The following KIF26B variants were observed in gnomAD, a reference collection of about 807,000 sequenced individuals.
KIF26B encodes kinesin-like protein KIF26B.
In KIF26B, 63 loss-of-function variants were observed where a neutral mutation model predicts 151.2. The observed-to-expected ratio is 0.42, with a 90% CI of 0.34 to 0.51. KIF26B has a LOEUF of 0.51. Ranked by LOEUF, KIF26B falls within the 20% of genes least tolerant of loss-of-function variation. KIF26B has a pLI of 0.07. For synonymous variants in KIF26B, 1,357 were observed against 1,262.1 expected, an observed-to-expected ratio of 1.08 and a Z score of -1.59; for missense variants, 2,813 against 2,913.6, an observed-to-expected ratio of 0.97 and a Z score of 0.79.
intron 5 of KIF26B, among the ~76,000 whole-genome samples, chr1:245,545,982 AT>A (rs560386549): frequency 1.2e-3 from 177 of 152,326 alleles, no homozygotes; most frequent in African/African-American, 4.1e-3. Flanking sequence ...GTGCATCAAC[AT>A]TTTTAAAAGT....
chr1:245,639,797 T>C (rs1391880087), intron 9 of KIF26B, among the ~76,000 whole-genome samples: 1 of 151,742 alleles, frequency 6.6e-6, no homozygotes, highest in Admixed American at 6.6e-5. Flanking sequence ...TTATTTATAG[T>C]TTTATTCTGT....
chr1:245,685,339 CA>C, intron 11 of KIF26B, 65 bp from the exon 12 acceptor site: 1 of 1,352,920 alleles, frequency 7.4e-7, no homozygotes, highest in Non-Finnish European at 1.0e-6. Flanking sequence ...ACTTGCCGCG[CA>C]CAGCTGGGCT....
intron 2 of KIF26B, among the ~76,000 whole-genome samples, chr1:245,332,671 G>T (rs1672138229): frequency 6.6e-6 from 1 of 152,172 alleles, no homozygotes; most frequent in Admixed American, 6.5e-5. Flanking sequence ...ACTCAGGGTG[G>T]TGGGTCCCTT....
Position 245,540,728 on chromosome 1 carries a change from A to G in KIF26B, c.1167-39A>G, listed in dbSNP as rs1558206188. The G allele has an allele frequency of 1.3e-6, 2 of 1,560,038 alleles. No individual in the cohort carries two copies. Among genetic ancestry groups the G allele is most frequent in the Non-Finnish European group, 1.8e-6 (2 of 1,130,766 alleles). ...AAGTAAGCCTAGCAGATCTGATCGT[A>G]CAATCATTTTCCCCTTATTGTTCCT... On this transcript the variant is annotated intron_variant, in intron 4 of 14. Transcript: ENST00000407071. This position sits in a 1 kb window ranked among gnomAD's most constrained non-coding sequence, Gnocchi z 4.6.
intron 2 of KIF26B, among the ~76,000 whole-genome samples, chr1:245,183,596 G>T (rs1455627920): frequency 6.6e-6 from 1 of 152,194 alleles, no homozygotes; most frequent in Non-Finnish European, 1.5e-5. Flanking sequence ...GCCGTCACAT[G>T]CTGGGTAGAA....
At chr1:245,321,970 C>G (rs1397352277) in intron 2 of KIF26B, among the ~76,000 whole-genome samples, 1 of 152,128 alleles carries the variant, frequency 6.6e-6, no homozygotes, top group Non-Finnish European at 1.5e-5. Flanking sequence ...TGGAACCAAC[C>G]CAAATGCCCA....
intron 4 of KIF26B, among the ~76,000 whole-genome samples, chr1:245,424,436 A>G (rs1434558241): frequency 6.6e-6 from 1 of 152,226 alleles, no homozygotes; most frequent in African/African-American, 2.4e-5. Flanking sequence ...TTGATTGACT[A>G]ATAAACATTG....
intron 2 of KIF26B, among the ~76,000 whole-genome samples, chr1:245,313,106 C>T (rs1671694937): frequency 6.6e-6 from 1 of 152,096 alleles, no homozygotes; most frequent in Non-Finnish European, 1.5e-5. Flanking sequence ...TTGCAGTGAG[C>T]CAAGATCATG....
chr1:245,540,190 G>A lies in KIF26B; in HGVS notation c.1167-577G>A, dbSNP rs193222982. Among the ~76,000 whole-genome samples the A allele has an allele frequency of 2.0e-5, 3 of 152,122 alleles. No individual in the cohort carries two copies. Among genetic ancestry groups the A allele is most frequent in the Non-Finnish European group, 2.9e-5 (2 of 68,026 alleles). On this transcript the variant is annotated intron_variant, in intron 4 of 14. Transcript: ENST00000407071. The surrounding 1 kb of genome is among the most constrained non-coding windows in gnomAD (Gnocchi z 4.6). ...TCTACGTAAGCAGCCCATAGCCTCAGCGCCCTGCACCCTGGTTGGAGTTCA... is the reference window on the plus strand; with the variant it reads ...TCTACGTAAGCAGCCCATAGCCTCAACGCCCTGCACCCTGGTTGGAGTTCA...
chr1:245,704,309 A>C lies in KIF26B; in HGVS notation c.*1703A>C, dbSNP rs1041267801. ...CAGCCACTCCCCAAGCGGGGAAAAA[A>C]ACACTACGTTTCTTGGTCAGTGTAC... On this transcript the variant is annotated 3_prime_UTR_variant, in exon 15 of 15. Transcript: ENST00000407071. 6.6e-6 allele frequency: 1 copy of C among 152,266 alleles called. No homozygotes were observed. Among genetic ancestry groups the C allele is most frequent in the Admixed American group, 6.5e-5 (1 of 15,284 alleles). 9.4% of individuals were successfully genotyped at this position (152,266 alleles called of 1,614,324 possible).
chr1:245,301,497 C>G (rs962865163), intron 2 of KIF26B, among the ~76,000 whole-genome samples: 13 of 152,156 alleles, frequency 8.5e-5, no homozygotes, highest in Admixed American at 7.9e-4. Flanking sequence ...AAAGTGGCTG[C>G]CTGGCCAAAG....
chr1:245,253,428 T>C (rs1008260288), intron 2 of KIF26B, among the ~76,000 whole-genome samples: 1 of 152,222 alleles, frequency 6.6e-6, no homozygotes, highest in African/African-American at 2.4e-5. Context: ...ATTGCTGGAT[T>C]TGACTTGCTA....
intron 2 of KIF26B, among the ~76,000 whole-genome samples, chr1:245,281,987 A>G (rs1257859265): frequency 6.6e-6 from 1 of 152,140 alleles, no homozygotes; most frequent in Non-Finnish European, 1.5e-5. Context: ...TACCAGTACC[A>G]TGCTGTTTTG....
chr1:245,644,326 A>C (rs2043923406), intron 9 of KIF26B, among the ~76,000 whole-genome samples: 1 of 151,944 alleles, frequency 6.6e-6, no homozygotes, highest in Non-Finnish European at 1.5e-5. Context: ...TTATCTCTAG[A>C]GGTTCAGTTT....
chr1:245,639,814 T>G (rs2043870005), intron 9 of KIF26B, among the ~76,000 whole-genome samples: 1 of 151,884 alleles, frequency 6.6e-6, no homozygotes, highest in Non-Finnish European at 1.5e-5. Flanking sequence ...CTGTTGTGGT[T>G]AGAAAAGATA....
chr1:245,297,062 G>T (rs1470306676), intron 2 of KIF26B, among the ~76,000 whole-genome samples: 3 of 150,288 alleles, frequency 2.0e-5, no homozygotes, highest in Non-Finnish European at 4.4e-5. Flanking sequence ...CTCTGTGAAG[G>T]CCAGGCATGG....
rs1670166791 is a variant in KIF26B at position 245,239,088 on chromosome 1, T to C, written c.465+82405T>C. Among the ~76,000 whole-genome samples, 2 of 152,186 alleles carry C rather than the reference T, an allele frequency of 1.3e-5. No homozygotes were observed. The highest frequency in any genetic ancestry group is 2.4e-5 in the African/African-American group (1 of 41,454). On this transcript the variant is annotated intron_variant, in intron 2 of 14. Transcript: ENST00000407071. The surrounding 1 kb of genome is among the most constrained non-coding windows in gnomAD (Gnocchi z 4.3). Reference sequence around the variant, plus strand: ...AGTTGTATTTTCTGCCTCACGTCGCTGTCCTTCTCCCAGCCCATTCATTTT... The same window carrying C: ...AGTTGTATTTTCTGCCTCACGTCGCCGTCCTTCTCCCAGCCCATTCATTTT...
At chr1:245,328,606 G>A (rs73130857) in intron 2 of KIF26B, among the ~76,000 whole-genome samples, 4,042 of 152,252 alleles carry the variant, frequency 0.027, 173 homozygotes, top group African/African-American at 0.093. Context: ...ACTGACACTA[G>A]GCTCCTTCTA....
rs529088001 is a variant in KIF26B at position 245,437,217 on chromosome 1, C to T, written c.1166+17472C>T. Among the ~76,000 whole-genome samples the T allele has an allele frequency of 2.0e-3, 302 of 152,270 alleles. 5 individuals are homozygous for T. The highest frequency in any genetic ancestry group is 0.014 in the Middle Eastern group (4 of 294). On this transcript the variant is annotated intron_variant, in intron 4 of 14. Transcript: ENST00000407071. ...AACTTATTTGTTAGTATTCAGGCTA[C>T]TGAGGTGTTGCACCTGCAGACTCTC...
Sources: allele counts gnomAD v4.1 joint callset (sites outside exome capture counted in the v4.1 genomes callset), GRCh38; gene constraint gnomAD v4.1.1; non-coding constraint Gnocchi (gnomAD v3.1); transcripts MANE v1.5; gene names NCBI Gene and HGNC (gene_info 2026-07-23, HGNC 2026-07-21).